The following ROBO2 variants were observed in gnomAD, a reference collection of about 807,000 sequenced individuals.
The protein encoded by ROBO2 is roundabout homolog 2.
A neutral mutation model predicts 160.8 loss-of-function variants in ROBO2; 53 were observed. The observed-to-expected ratio is 0.33, with a 90% confidence interval of 0.26 to 0.41. The LOEUF is 0.41. Among genes scored for constraint, ROBO2 ranks in the 10% least tolerant of loss-of-function variants. The pLI, the probability that ROBO2 is intolerant of heterozygous loss-of-function variation, is 1.00. For synonymous variants in ROBO2, 664 were observed against 611.7 expected, an observed-to-expected ratio of 1.09 and a Z score of -1.26; for missense variants, 1,577 against 1,722.4, an observed-to-expected ratio of 0.92 and a Z score of 1.49.
intron 24 of ROBO2, among the ~76,000 whole-genome samples, chr3:77,636,335 T>C (rs2095263092): frequency 1.3e-5 from 2 of 152,140 alleles, no homozygotes; most frequent in South Asian, 4.1e-4. Context: ...GGCTCAGGCC[T>C]GTAATCCCAG....
intron 2 of ROBO2, among the ~76,000 whole-genome samples, chr3:77,173,539 A>G (rs2079840614): frequency 6.6e-6 from 1 of 152,058 alleles, no homozygotes; most frequent in African/African-American, 2.4e-5. Flanking sequence ...TTGCTTGGCC[A>G]CTTAATAATC....
At chr3:75,961,816 T>C (rs1349691200) in intron 2 of ROBO2, among the ~76,000 whole-genome samples, 1 of 151,612 alleles carries the variant, frequency 6.6e-6, no homozygotes, top group Non-Finnish European at 1.5e-5. Flanking sequence ...CAAACTATAT[T>C]ATTTAAGGTA....
chr3:77,608,524 G>A (rs2094568043), intron 21 of ROBO2, among the ~76,000 whole-genome samples: 1 of 152,022 alleles, frequency 6.6e-6, no homozygotes, highest in African/African-American at 2.4e-5. Context: ...TTTCTTCGAG[G>A]GTCTTTAAAT....
intron 2 of ROBO2, among the ~76,000 whole-genome samples, chr3:76,711,344 GC>G (rs2093289672): frequency 6.6e-6 from 1 of 152,136 alleles, no homozygotes; most frequent in Non-Finnish European, 1.5e-5. Flanking sequence ...AGGGAAATCT[GC>G]CCCCATGAAC....
chr3:76,203,176 C>T (rs1702621600), intron 2 of ROBO2, among the ~76,000 whole-genome samples: 1 of 152,136 alleles, frequency 6.6e-6, no homozygotes, highest in East Asian at 1.9e-4. Flanking sequence ...ACACTGCTAC[C>T]CTCTCCCAAC....
intron 2 of ROBO2, among the ~76,000 whole-genome samples, chr3:75,998,622 A>T (rs1419142051): frequency 6.6e-6 from 1 of 152,216 alleles, no homozygotes; most frequent in Non-Finnish European, 1.5e-5. Flanking sequence ...ATATTTAGAA[A>T]ATAAAAGGTG....
At chr3:76,739,536 C>T (rs545479389) in intron 2 of ROBO2, among the ~76,000 whole-genome samples, 25 of 150,686 alleles carry the variant, frequency 1.7e-4, no homozygotes, top group Non-Finnish European at 2.4e-4. Flanking sequence ...TGCTAGATGA[C>T]GAGTTGGTGC....
chr3:77,109,917 A>C (rs1414965795), intron 2 of ROBO2, among the ~76,000 whole-genome samples: 2 of 152,244 alleles, frequency 1.3e-5, no homozygotes, highest in African/African-American at 4.8e-5. Flanking sequence ...ATTCAATTGT[A>C]TAAATACAAT....
chr3:76,264,246 AT>A (rs1179674543), intron 2 of ROBO2, among the ~76,000 whole-genome samples: 3 of 152,148 alleles, frequency 2.0e-5, no homozygotes, highest in African/African-American at 2.4e-5. Flanking sequence ...TTAAAAAAAA[AT>A]AAAGAACTAA....
At chr3:77,622,201 T>C (rs2094916207) in intron 22 of ROBO2, 26 bp from the exon 24 acceptor site, 1 of 1,607,590 alleles carries the variant, frequency 6.2e-7, no homozygotes, top group African/African-American at 1.3e-5. Context: ...GTTGCTTTTC[T>C]TTTTTAAATT....
chr3:76,865,543 G>T (rs2071279012), intron 2 of ROBO2, among the ~76,000 whole-genome samples: 1 of 152,086 alleles, frequency 6.6e-6, no homozygotes, highest in Non-Finnish European at 1.5e-5. Flanking sequence ...CACACTCTGA[G>T]TCACTCTAAT....
exon 1 of ROBO2, chr3:77,040,689 A>C: frequency 6.2e-7 from 1 of 1,605,654 alleles, no homozygotes. Flanking sequence ...GGAAAGTCTA[A>C]ACTTTGGACC....
intron 2 of ROBO2, among the ~76,000 whole-genome samples, chr3:77,299,741 C>CA (rs1182477731): frequency 6.6e-6 from 1 of 152,014 alleles, no homozygotes; most frequent in Non-Finnish European, 1.5e-5. Flanking sequence ...ATTATGATTG[C>CA]AAAATCTCAG....
At chr3:76,165,154 C>T (rs866588102) in intron 2 of ROBO2, among the ~76,000 whole-genome samples, 1 of 152,152 alleles carries the variant, frequency 6.6e-6, no homozygotes, top group Non-Finnish European at 1.5e-5. Context: ...AATCTTCTTC[C>T]AGTACGAGGC....
At chr3:77,030,001 A>T (rs1043231756) in intron 2 of ROBO2, among the ~76,000 whole-genome samples, 1 of 150,220 alleles carries the variant, frequency 6.7e-6, no homozygotes, top group Non-Finnish European at 1.5e-5. Flanking sequence ...GCTGGAGTGC[A>T]GTGGTGCGAT....
At chr3:76,907,566 G>T (rs751042994) in intron 2 of ROBO2, among the ~76,000 whole-genome samples, 1 of 152,202 alleles carries the variant, frequency 6.6e-6, no homozygotes, top group African/African-American at 2.4e-5. Flanking sequence ...GATACAGTCT[G>T]CCCCCATGGA....
intron 2 of ROBO2, among the ~76,000 whole-genome samples, chr3:76,026,786 G>T (rs984795014): frequency 2.8e-4 from 42 of 151,910 alleles, no homozygotes; most frequent in African/African-American, 9.9e-4. Flanking sequence ...TGAAGTAACA[G>T]AGGCTGCTAT....
chr3:77,102,353 T>C (rs1017944648), intron 2 of ROBO2, among the ~76,000 whole-genome samples: 11 of 152,124 alleles, frequency 7.2e-5, no homozygotes, highest in African/African-American at 2.7e-4. Flanking sequence ...GACATACCTC[T>C]GGCGTTTGTT....
intron 2 of ROBO2, among the ~76,000 whole-genome samples, chr3:77,034,446 A>C (rs2063509475): frequency 6.6e-6 from 1 of 151,766 alleles, no homozygotes; most frequent in Admixed American, 6.6e-5. Flanking sequence ...TTTATCAGGC[A>C]GAAATAAAAT....
Sources: allele counts gnomAD v4.1 joint callset (sites outside exome capture counted in the v4.1 genomes callset), GRCh38; gene constraint gnomAD v4.1.1; transcripts MANE v1.5; gene names NCBI Gene and HGNC (gene_info 2026-07-23, HGNC 2026-07-21).